The following LMCD1 variants were observed in gnomAD, a reference collection of about 807,000 sequenced individuals.
LMCD1 encodes LIM and cysteine-rich domains protein 1.
LMCD1 carries 32 observed loss-of-function variants against 42.7 expected under a neutral mutation model. That is an observed-to-expected ratio of 0.75 (90% CI 0.57 to 1.01). LMCD1 has a LOEUF of 1.01. Among genes scored for constraint, LMCD1 ranks in the 50% least tolerant of loss-of-function variants. LMCD1 has a pLI of 0.00. For missense variants in LMCD1, 458 were observed against 483.1 expected (o/e 0.95, Z 0.49); for synonymous variants, 178 against 184.9 (o/e 0.96, Z 0.30).
chr3:8,518,759 G>A (rs1386191532), intron 1 of LMCD1, among the ~76,000 whole-genome samples: 1 of 152,146 alleles, frequency 6.6e-6, no homozygotes, highest in Non-Finnish European at 1.5e-5. Flanking sequence ...GAAGAGAGGA[G>A]AAGAGCCAGT....
At chr3:8,539,195 G>A (rs1694569816) in intron 3 of LMCD1, among the ~76,000 whole-genome samples, 2 of 152,244 alleles carry the variant, frequency 1.3e-5, no homozygotes, top group African/African-American at 4.8e-5. Context: ...AGTTTCAGAG[G>A]CACAGTTCTA....
At chr3:8,523,294 G>A (rs1694238745) in intron 1 of LMCD1, among the ~76,000 whole-genome samples, 1 of 152,224 alleles carries the variant, frequency 6.6e-6, no homozygotes, top group African/African-American at 2.4e-5. Flanking sequence ...GAATAGGAAT[G>A]CCCAAGGAGC....
At chr3:8,567,333 A>G in intron 5 of LMCD1, 107 bp from the exon 6 acceptor site, 2 of 1,169,014 alleles carry the variant, frequency 1.7e-6, no homozygotes, top group Non-Finnish European at 2.4e-6. Flanking sequence ...AAAGGTCAAA[A>G]CAAGAATAGG....
At position 8,567,505 on chromosome 3, in the gene LMCD1, T is replaced by G. The variant is rs768281560; in HGVS notation, c.1005T>G (p.Cys335Trp). 1.1e-4 allele frequency: 172 copies of G among 1,613,784 alleles called. No individual in the cohort carries two copies. Among genetic ancestry groups the G allele is most frequent in the Non-Finnish European group, 1.4e-4 (160 of 1,180,002 alleles). Residue 335 changes from cysteine to tryptophan, a missense_variant, in exon 6 of 6, where the codon TGT (cysteine) becomes TGG (tryptophan). Physicochemically the swap from Cys to Trp is radical, Grantham distance 215. Transcript: ENST00000157600. ...CCTGGCACCGAAAGCACTTTGTCTG[T>G]GAGGGTTGTGAGCAGCTGCTGAGCG... ...DLAWHRKHFV[C>W]EGCEQLLSGR... is the part of the protein sequence containing the mutation.
chr3:8,567,308 T>C, intron 5 of LMCD1, 132 bp from the exon 6 acceptor site: 1 of 884,958 alleles, frequency 1.1e-6, no homozygotes, highest in Non-Finnish European at 1.7e-6. Flanking sequence ...GCCAGATTTT[T>C]CCACTAAGGC....
chr3:8,559,308 G>A (rs1179940200), intron 4 of LMCD1, among the ~76,000 whole-genome samples: 1 of 151,840 alleles, frequency 6.6e-6, no homozygotes, highest in Non-Finnish European at 1.5e-5. Flanking sequence ...ATCCCTCTGG[G>A]CTTTACATTT....
Position 8,568,409 on chromosome 3 carries a change from C to G in LMCD1, c.*811C>G, listed in dbSNP as rs959564413. ...GACCTGACTCAGCTGCCCTCAGAGC[C>G]CAGGAAAATAGCGAATGAACCCCTC... is the stretch of plus-strand genomic sequence containing the variant. On this transcript the variant is annotated 3_prime_UTR_variant, in exon 6 of 6. Transcript: ENST00000157600. 1.3e-5 allele frequency: 2 copies of G among 152,128 alleles called. No homozygotes were observed. The highest frequency in any genetic ancestry group is 2.9e-5 in the Non-Finnish European group (2 of 68,060). 9.4% of individuals were successfully genotyped at this position (152,128 alleles called of 1,614,324 possible).
chr3:8,507,929 T>C (rs1203799727), intron 1 of LMCD1, among the ~76,000 whole-genome samples: 2 of 152,206 alleles, frequency 1.3e-5, no homozygotes, highest in Non-Finnish European at 2.9e-5. Context: ...CTGAACTCAT[T>C]GATAGTCTGG....
At chr3:8,532,929 G>A (rs546693035) in intron 2 of LMCD1, 104 bp downstream of exon 2, 27 of 923,690 alleles carry the variant, frequency 2.9e-5, no homozygotes, top group African/African-American at 1.3e-4. Flanking sequence ...GGTTGTATGC[G>A]TTGTCAGGGA....
intron 1 of LMCD1, among the ~76,000 whole-genome samples, chr3:8,519,908 G>A (rs1267191465): frequency 2.7e-5 from 4 of 148,342 alleles, no homozygotes; most frequent in South Asian, 2.1e-4. Flanking sequence ...GTGCACACAC[G>A]TGTGTGTGTG....
chr3:8,521,437 G>A (rs1470476158), intron 1 of LMCD1, among the ~76,000 whole-genome samples: 4 of 152,204 alleles, frequency 2.6e-5, no homozygotes, highest in Non-Finnish European at 5.9e-5. Context: ...ATAAAAGAGA[G>A]ATCCTGTGAC....
chr3:8,561,315 G>C (rs1263215472), intron 4 of LMCD1, among the ~76,000 whole-genome samples: 1 of 151,466 alleles, frequency 6.6e-6, no homozygotes, highest in African/African-American at 2.4e-5. Flanking sequence ...TATGTAACAA[G>C]AGAGAAAACA....
chr3:8,560,496 TG>T (rs1337574600), intron 4 of LMCD1, among the ~76,000 whole-genome samples: 3 of 152,104 alleles, frequency 2.0e-5, no homozygotes, highest in African/African-American at 7.2e-5. Context: ...AAATGTGGAG[TG>T]GGGAGCCCCA....
chr3:8,554,378 C>T (rs1267921088), intron 4 of LMCD1, among the ~76,000 whole-genome samples: 1 of 152,090 alleles, frequency 6.6e-6, no homozygotes, highest in Admixed American at 6.6e-5. Context: ...AGGGTGGGTC[C>T]GACCATGCCA....
intron 1 of LMCD1, among the ~76,000 whole-genome samples, chr3:8,506,579 A>G (rs1693886647): frequency 6.6e-6 from 1 of 152,176 alleles, no homozygotes; most frequent in South Asian, 2.1e-4. Context: ...AGAAGTATTC[A>G]ATTTGACTTT....
chr3:8,537,528 T>A, intron 3 of LMCD1, 88 bp downstream of exon 3: 1 of 1,418,526 alleles, frequency 7.0e-7, no homozygotes. Context: ...AAACATGGGG[T>A]GGCAAGAGCT....
At chr3:8,524,884 T>A in intron 1 of LMCD1, among the ~76,000 whole-genome samples, 1 of 151,974 alleles carries the variant, frequency 6.6e-6, no homozygotes, top group East Asian at 1.9e-4. Flanking sequence ...GAGGTGTCAC[T>A]ATGTTGCCCA....
intron 1 of LMCD1, among the ~76,000 whole-genome samples, chr3:8,523,436 T>C (rs1283585539): frequency 6.6e-6 from 1 of 152,240 alleles, no homozygotes; most frequent in African/African-American, 2.4e-5. Context: ...ACGAGGTCTT[T>C]GTTGCTGTCT....
chr3:8,562,340 T>C (rs1418412703), intron 4 of LMCD1, among the ~76,000 whole-genome samples: 3 of 152,192 alleles, frequency 2.0e-5, no homozygotes, highest in African/African-American at 4.8e-5. Context: ...ATGCTGCTCC[T>C]TTGCCATGCC....
Sources: allele counts gnomAD v4.1 joint callset (sites outside exome capture counted in the v4.1 genomes callset), GRCh38; gene constraint gnomAD v4.1.1; transcripts MANE v1.5; gene names NCBI Gene and HGNC (gene_info 2026-07-23, HGNC 2026-07-21).